RAB27B: variants seen among roughly 807,000 people sequenced by gnomAD.
RAB27B encodes the protein RAB27B, member RAS oncogene family.
A neutral mutation model predicts 24.6 loss-of-function variants in RAB27B; 15 were observed. That is an observed-to-expected ratio of 0.61 (90% CI 0.41 to 0.94). The LOEUF (loss-of-function observed/expected upper bound fraction) is 0.94, where lower values mean the gene tolerates loss of function less well. RAB27B is among the 40% of genes least tolerant of loss of function. The probability of loss-of-function intolerance (pLI) is 0.00; values close to 1 mark genes in which losing one functional copy is unlikely to be tolerated. For missense variants in RAB27B, 261 were observed against 266.8 expected, an observed-to-expected ratio of 0.98 and a Z score of 0.15; for synonymous variants, 105 against 92.5, an observed-to-expected ratio of 1.14 and a Z score of -0.78.
intron 1 of RAB27B, among the ~76,000 whole-genome samples, chr18:54,849,740 AAGGTAAATCACT>A (rs1289665427): frequency 6.6e-6 from 1 of 152,098 alleles, no homozygotes; most frequent in Non-Finnish European, 1.5e-5. Flanking sequence ...AAACAAAAAG[AAGGTAAATCACT>A]AGGGGATATA....
At chr18:54,743,953 A>T (rs1910151072) in intron 2 of RAB27B, among the ~76,000 whole-genome samples, 1 of 152,174 alleles carries the variant, frequency 6.6e-6, no homozygotes. Context: ...CAGACAAGAG[A>T]TGTTAGTGGT....
rs969847680 is a variant in RAB27B at position 54,894,866 on chromosome 18, A to G, written c.*5453A>G. ...GCAGGGAAAACACACTAATTTTCAT[A>G]CAGTAGAGGTATTGAAAACTGAAAA... is the stretch of plus-strand genomic sequence containing the variant. On this transcript the variant is annotated 3_prime_UTR_variant, in exon 6 of 6. Coordinates refer to ENST00000262094, the MANE Select transcript of RAB27B (RefSeq NM_004163.4). The G allele has an allele frequency of 1.3e-5, 2 of 152,134 alleles. No individual in the cohort carries two copies. The highest frequency in any genetic ancestry group is 1.5e-5 in the Non-Finnish European group (1 of 67,974). The allele number at this position is 152,134 out of a possible 1,614,324, so 9.4% of individuals were successfully genotyped here. A position where few individuals can be genotyped will look rare whatever the true frequency, so the allele number is the denominator to read the frequency against.
At chr18:54,811,147 A>G (rs896554287) in intron 2 of RAB27B, among the ~76,000 whole-genome samples, 4 of 152,062 alleles carry the variant, frequency 2.6e-5, no homozygotes, top group African/African-American at 9.7e-5. Flanking sequence ...CTTGAGAAAT[A>G]AGTTTCCTAA....
intron 1 of RAB27B, among the ~76,000 whole-genome samples, chr18:54,831,082 G>A (rs1436091739): frequency 6.6e-6 from 1 of 152,108 alleles, no homozygotes; most frequent in African/African-American, 2.4e-5. Flanking sequence ...AGATAAGCAG[G>A]GTGAGTCTAT....
At position 54,730,100 on chromosome 18, in the gene RAB27B, A is replaced by G. The variant is rs377696522; in HGVS notation, c.-20+11959A>G. On this transcript the variant is annotated intron_variant, in intron 2 of 4. Transcript: ENST00000586570. The stretch of plus-strand genomic sequence containing the variant: ...AGAAAATATCTCAAAAAACAAATTT[A>G]TATATTCATAATTCTAATTGTACAT... Among the ~76,000 whole-genome samples, 156 of 152,344 alleles carry G rather than the reference A, an allele frequency of 1.0e-3. 4 individuals are homozygous for G. In the South Asian group the frequency reaches 0.028, roughly 27 times the overall value.
At chr18:54,781,641 C>T (rs1443233841) in intron 2 of RAB27B, among the ~76,000 whole-genome samples, 1 of 152,022 alleles carries the variant, frequency 6.6e-6, no homozygotes, top group African/African-American at 2.4e-5. Context: ...TAGCTCCATC[C>T]CACATACCTT....
chr18:54,737,643 G>C (rs1192366649), intron 2 of RAB27B, among the ~76,000 whole-genome samples: 1 of 152,124 alleles, frequency 6.6e-6, no homozygotes, highest in Non-Finnish European at 1.5e-5. Context: ...GCCTGGCAAA[G>C]AGAGATGCTC....
intron 2 of RAB27B, among the ~76,000 whole-genome samples, chr18:54,728,544 A>T (rs1185460652): frequency 6.6e-6 from 1 of 152,156 alleles, no homozygotes; most frequent in East Asian, 1.9e-4. Context: ...TAAAGGAAAT[A>T]CTAAAGGAAG....
rs74180479 is a variant in RAB27B at position 54,810,833 on chromosome 18, A to AAAATAAATAAAT, written c.-19-66695_-19-66684dup. On this transcript the variant is annotated intron_variant, in intron 2 of 4. Coordinates refer to the RAB27B transcript ENST00000586570. ...GGGCAACAGAGCAAGACCCTGTCTCAAAATAAATAAATAAATAAATAAATA... is the reference window on the plus strand; with the variant it reads ...GGGCAACAGAGCAAGACCCTGTCTCAAAATAAATAAATAAATAAATAAATAAATAAATAAATA... Among the ~76,000 whole-genome samples, 81 of 140,226 alleles carry AAAATAAATAAAT rather than the reference A, an allele frequency of 5.8e-4. No homozygotes were observed. The East Asian group carries it at 5.8e-3, about 10-fold the overall frequency. The allele number at this position is 140,226 out of a possible 152,430, so 92.0% of individuals were successfully genotyped here. A position where few individuals can be genotyped will look rare whatever the true frequency, so the allele number is the denominator to read the frequency against.
At chr18:54,776,502 C>G (rs998843095) in intron 2 of RAB27B, among the ~76,000 whole-genome samples, 1 of 152,186 alleles carries the variant, frequency 6.6e-6, no homozygotes, top group African/African-American at 2.4e-5. Flanking sequence ...GAGTAGTCAT[C>G]ACTCATTTTA....
At chr18:54,782,702 T>C (rs1047738998) in intron 2 of RAB27B, among the ~76,000 whole-genome samples, 1 of 152,228 alleles carries the variant, frequency 6.6e-6, no homozygotes, top group African/African-American at 2.4e-5. Flanking sequence ...TTCATACATG[T>C]CCTCAGTATT....
At chr18:54,730,275 ATGTTCAAGTGTATT>A (rs1909687709) in intron 2 of RAB27B, among the ~76,000 whole-genome samples, 1 of 152,100 alleles carries the variant, frequency 6.6e-6, no homozygotes, top group African/African-American at 2.4e-5. Context: ...ACTTATAACT[ATGTTCAAGTGTATT>A]TGGAATGAAA....
intron 2 of RAB27B, among the ~76,000 whole-genome samples, chr18:54,811,030 C>T (rs982489979): frequency 1.3e-5 from 2 of 151,780 alleles, no homozygotes; most frequent in Non-Finnish European, 2.9e-5. Context: ...TTACCTGAAA[C>T]GAATACATTT....
At chr18:54,758,817 C>A (rs1207429315) in intron 2 of RAB27B, among the ~76,000 whole-genome samples, 1 of 152,034 alleles carries the variant, frequency 6.6e-6, no homozygotes, top group Non-Finnish European at 1.5e-5. Flanking sequence ...GCCAGACCAA[C>A]AAACAGGAGA....
At chr18:54,847,827 T>A (rs541872385) in intron 1 of RAB27B, among the ~76,000 whole-genome samples, 4 of 149,122 alleles carry the variant, frequency 2.7e-5, no homozygotes, top group African/African-American at 9.7e-5. Context: ...ATTAACACAT[T>A]TGGGACTCGT....
At chr18:54,842,689 A>G (rs1469975846) in intron 1 of RAB27B, among the ~76,000 whole-genome samples, 1 of 152,248 alleles carries the variant, frequency 6.6e-6, no homozygotes, top group African/African-American at 2.4e-5. Context: ...TCAAGAACAA[A>G]ATGCTTATTT....
chr18:54,827,471 T>C (rs559700335), upstream of RAB27B, among the ~76,000 whole-genome samples: 1 of 152,354 alleles, frequency 6.6e-6, no homozygotes, highest in East Asian at 1.9e-4. Flanking sequence ...AAATGTTTTC[T>C]CTAATATTCC....
intron 2 of RAB27B, among the ~76,000 whole-genome samples, chr18:54,755,593 T>G (rs1907979472): frequency 6.6e-6 from 1 of 152,166 alleles, no homozygotes; most frequent in African/African-American, 2.4e-5. Context: ...CTTTGATATT[T>G]CACCCTTTTC....
chr18:54,840,677 A>G (rs1432615363), intron 1 of RAB27B, among the ~76,000 whole-genome samples: 2 of 152,188 alleles, frequency 1.3e-5, no homozygotes, highest in Non-Finnish European at 2.9e-5. Flanking sequence ...AAATATGGTC[A>G]CTATCCTCTC....
Sources: gnomAD v4.1 joint callset for allele counts (sites outside exome capture counted in the v4.1 genomes callset) on GRCh38, gnomAD v4.1.1 for gene constraint, MANE v1.5 for transcripts, NCBI Gene and HGNC (gene_info 2026-07-23, HGNC 2026-07-21) for gene names.